The following XPO7 variants were observed in gnomAD, a reference collection of about 807,000 sequenced individuals.
The protein encoded by XPO7 is exportin 7.
XPO7 carries 21 observed loss-of-function variants against 144.3 expected under a neutral mutation model. That is an observed-to-expected ratio of 0.15 (90% CI 0.10 to 0.21). The LOEUF is 0.21. Among genes scored for constraint, XPO7 ranks in the 10% least tolerant of loss-of-function variants. The probability of loss-of-function intolerance (pLI) is 1.00; values close to 1 mark genes in which losing one functional copy is unlikely to be tolerated. For synonymous variants in XPO7, 580 were observed against 499.6 expected (o/e 1.16, Z -2.15); for missense variants, 808 against 1,325.8 (o/e 0.61, Z 6.06).
intron 3 of XPO7, 43 bp downstream of exon 3, chr8:21,969,619 G>A (rs1674900487): frequency 6.6e-7 from 1 of 1,520,416 alleles, no homozygotes; most frequent in African/African-American, 1.4e-5. Context: ...AAAATAGTTT[G>A]TTTAGTGATG....
Position 21,999,667 on chromosome 8 carries a change from T to C in XPO7, c.2775T>C (p.Thr925=). The C allele has an allele frequency of 1.9e-6, 3 of 1,614,046 alleles. No individual in the cohort carries two copies. The highest frequency in any genetic ancestry group is 1.1e-5 in the South Asian group (1 of 91,080). Residue 925 remains threonine (T), a synonymous_variant, in exon 24 of 28, where the codon ACT becomes ACC. Transcript: ENST00000252512. ...YILSSISEGL[T]ALDTMVCTGC... ...TCTCTTCCATTTCTGAAGGACTTAC[T>C]GCACTTGGTAAGCACCTGAGGTGGG...
chr8:21,956,916 G>C (rs1045544479), intron 1 of XPO7, among the ~76,000 whole-genome samples: 2 of 152,080 alleles, frequency 1.3e-5, no homozygotes, highest in East Asian at 1.9e-4. Flanking sequence ...GCTTTCTTCA[G>C]ATTTCTGATA....
chr8:21,969,019 A>G (rs184295320), intron 2 of XPO7, among the ~76,000 whole-genome samples: 2 of 152,344 alleles, frequency 1.3e-5, no homozygotes, highest in African/African-American at 2.4e-5. Context: ...GGAGACAACT[A>G]TACAGCATAG....
chr8:21,938,731 A>G (rs925314440), intron 1 of XPO7, among the ~76,000 whole-genome samples: 1 of 152,132 alleles, frequency 6.6e-6, no homozygotes, highest in Admixed American at 6.6e-5. Flanking sequence ...GATTCCGAAT[A>G]CCCTTATATT....
chr8:21,990,537 G>A (rs979900298), intron 17 of XPO7, 130 bp downstream of exon 17: 60 of 1,023,422 alleles, frequency 5.9e-5, no homozygotes, highest in Non-Finnish European at 7.7e-5. Context: ...TGATTCCCAC[G>A]ATACTGCCAG....
chr8:21,985,751 T>G, intron 13 of XPO7, 60 bp downstream of exon 13: 1 of 1,429,564 alleles, frequency 7.0e-7, no homozygotes, highest in Non-Finnish European at 9.9e-7. Flanking sequence ...CACTCCCCGA[T>G]AGGGTCCTCT....
intron 1 of XPO7, among the ~76,000 whole-genome samples, chr8:21,961,933 G>C (rs1811738191): frequency 6.6e-6 from 1 of 152,226 alleles, no homozygotes. Context: ...AAAGTGCTGG[G>C]ATTACAGGCA....
At chr8:21,992,610 A>G (rs1042240368) in intron 19 of XPO7, among the ~76,000 whole-genome samples, 1 of 152,080 alleles carries the variant, frequency 6.6e-6, no homozygotes, top group African/African-American at 2.4e-5. Context: ...GTACAATGGC[A>G]TGATCCTAGC....
At chr8:21,976,579 A>G (rs534873618) in intron 7 of XPO7, 58 bp downstream of exon 7, 285 of 1,513,508 alleles carry the variant, frequency 1.9e-4, no homozygotes, top group Non-Finnish European at 2.4e-4. Context: ...GAGTGTCTGT[A>G]GAATGATCTA....
At chr8:21,972,435 C>T (rs930922069) in intron 5 of XPO7, among the ~76,000 whole-genome samples, 1 of 152,152 alleles carries the variant, frequency 6.6e-6, no homozygotes, top group African/African-American at 2.4e-5. Flanking sequence ...CAAGATCGCG[C>T]TGTTGCACTC....
Position 21,969,574 on chromosome 8 carries a change from T to C in XPO7, c.257T>C (p.Ile86Thr). 1 of 1,612,722 alleles carries C rather than the reference T, an allele frequency of 6.2e-7. No individual in the cohort carries two copies. Among genetic ancestry groups the C allele is most frequent in the Non-Finnish European group, 8.5e-7 (1 of 1,178,994 alleles). ...NPLPLEQRID[I>T]RNYVLNYLAT... ...CTACCATTGGAACAGCGAATAGATA[T>C]TCGTAAGTGGAGAATTTTCTGTTCT... The change falls in exon 3 of 28, where the codon ATT (isoleucine) becomes ACT (threonine). Residue 86 changes from isoleucine to threonine, a missense_variant and splice_region_variant. By Grantham distance (89) the Ile-to-Thr change is moderately conservative. Coordinates refer to ENST00000252512, the MANE Select transcript of XPO7 (RefSeq NM_015024.5).
intron 1 of XPO7, among the ~76,000 whole-genome samples, chr8:21,925,314 C>T (rs1434369669): frequency 6.6e-6 from 1 of 152,156 alleles, no homozygotes; most frequent in Non-Finnish European, 1.5e-5. Context: ...CAAGGACACA[C>T]ACACACTCCT....
intron 2 of XPO7, among the ~76,000 whole-genome samples, chr8:21,968,838 G>A (rs557224555): frequency 3.9e-5 from 6 of 152,296 alleles, no homozygotes; most frequent in Admixed American, 1.3e-4. Context: ...TTGAGTCTCC[G>A]TAAGGTTAAA....
chr8:21,926,167 A>C (rs1255144782), intron 1 of XPO7, among the ~76,000 whole-genome samples: 1 of 152,176 alleles, frequency 6.6e-6, no homozygotes, highest in East Asian at 1.9e-4. Context: ...AAAAATCAAA[A>C]TATTTTCCTC....
intron 1 of XPO7, among the ~76,000 whole-genome samples, chr8:21,922,882 A>C (rs566642278): frequency 6.6e-6 from 1 of 152,298 alleles, no homozygotes; most frequent in East Asian, 1.9e-4. Context: ...ACTATTTGCA[A>C]AGTAGTCATA....
chr8:21,960,649 C>T (rs2117311199), intron 1 of XPO7, among the ~76,000 whole-genome samples: 1 of 152,340 alleles, frequency 6.6e-6, no homozygotes, highest in African/African-American at 2.4e-5. Flanking sequence ...CAGGCTCTGG[C>T]ATAGCATTAT....
intron 1 of XPO7, chr8:21,966,102 C>A: frequency 1.6e-6 from 1 of 610,614 alleles, no homozygotes; most frequent in Non-Finnish European, 2.9e-6. Context: ...AAGCACACAC[C>A]CATACCCCTT....
chr8:21,985,781 T>G lies in XPO7; in HGVS notation c.1577+90T>G, dbSNP rs540074359. 6 of 1,132,210 alleles carry G rather than the reference T, an allele frequency of 5.3e-6. No individual in the cohort carries two copies. In the African/African-American group the frequency reaches 7.6e-5, roughly 14 times the overall value. The allele number at this position is 1,132,210 out of a possible 1,614,324, so 70.1% of individuals were successfully genotyped here. ...TCCTCTCCACTTACAGAACGTAATCTGAACATGCTAACTGCCCATGAGACA... is the reference window on the plus strand; with the variant it reads ...TCCTCTCCACTTACAGAACGTAATCGGAACATGCTAACTGCCCATGAGACA... On this transcript the variant is annotated intron_variant, in intron 13 of 27. Transcript: ENST00000252512.
At chr8:21,942,669 T>A (rs1203053098) in intron 1 of XPO7, among the ~76,000 whole-genome samples, 2 of 152,206 alleles carry the variant, frequency 1.3e-5, no homozygotes, top group African/African-American at 4.8e-5. Context: ...CTTCAACAAG[T>A]GATAGTTTTG....
Sources: allele counts gnomAD v4.1 joint callset (sites outside exome capture counted in the v4.1 genomes callset), GRCh38; gene constraint gnomAD v4.1.1; transcripts MANE v1.5; gene names NCBI Gene and HGNC (gene_info 2026-07-23, HGNC 2026-07-21).